POC1B: variants seen among roughly 807,000 people sequenced by gnomAD.
POC1B encodes POC1 centriolar protein B, also known as POC1 centriolar protein homolog B.
Under a neutral mutation model 60.6 loss-of-function variants are expected in POC1B, and 44 were observed. The observed-to-expected ratio is 0.73, with a 90% CI of 0.57 to 0.93. POC1B has a LOEUF of 0.93. Among genes scored for constraint, POC1B ranks in the 40% least tolerant of loss-of-function variants. The probability of loss-of-function intolerance (pLI) is 0.00; values close to 1 mark genes in which losing one functional copy is unlikely to be tolerated. For missense variants in POC1B, 555 were observed against 572.3 expected, an observed-to-expected ratio of 0.97 and a Z score of 0.31; for synonymous variants, 180 against 198.9, an observed-to-expected ratio of 0.90 and a Z score of 0.80.
chr12:89,459,695 G>A lies in POC1B; in HGVS notation c.1056C>T (p.Ile352=), dbSNP rs1004981600. ...CAGGGGGAGTAGAGATCTGCAAATC[G>A]ATTACCTCAAGCTTTGGATTAATCT... ...TVEINPKLEV[I]DLQISTPPVM... is the part of the protein sequence containing the mutation. Residue 352 remains isoleucine, a synonymous_variant, in exon 10 of 12, where the codon ATC becomes ATT. Transcript: ENST00000313546. 4 of 1,538,426 alleles carry A rather than the reference G, an allele frequency of 2.6e-6. No individual in the cohort carries two copies. Among genetic ancestry groups the A allele is most frequent in the Admixed American group, 3.9e-5 (2 of 51,438 alleles).
At chr12:89,446,094 T>A (rs1418362295) in intron 10 of POC1B, among the ~76,000 whole-genome samples, 4 of 152,114 alleles carry the variant, frequency 2.6e-5, no homozygotes, top group Non-Finnish European at 1.5e-5. Context: ...CATTAAAAAG[T>A]CAGGAAACAA....
At chr12:89,428,794 G>A (rs1313459161) in intron 10 of POC1B, 4 of 152,142 alleles carry the variant, frequency 2.6e-5, no homozygotes, top group Admixed American at 2.0e-4. Context: ...CTGACCTCGT[G>A]ATCTGCCCGC....
At chr12:89,434,974 AAG>A (rs1881192609) in intron 10 of POC1B, among the ~76,000 whole-genome samples, 1 of 152,222 alleles carries the variant, frequency 6.6e-6, no homozygotes, top group Non-Finnish European at 1.5e-5. Context: ...TTAGCAGACA[AAG>A]ATCTATCATC....
chr12:89,433,727 A>G (rs1247342091), intron 10 of POC1B, among the ~76,000 whole-genome samples: 1 of 152,222 alleles, frequency 6.6e-6, no homozygotes, highest in African/African-American at 2.4e-5. Context: ...TAAGTTTGCC[A>G]TCAGCACAAA....
chr12:89,496,069 A>G (rs529083959), intron 3 of POC1B, among the ~76,000 whole-genome samples: 6 of 152,034 alleles, frequency 3.9e-5, no homozygotes, highest in South Asian at 2.1e-4. Flanking sequence ...CCCTATTTCT[A>G]TTATTATTAC....
At chr12:89,476,759 TAGAC>T (rs1167476204) in intron 4 of POC1B, among the ~76,000 whole-genome samples, 8,501 of 58,054 alleles carry the variant, frequency 0.15, 357 homozygotes, top group South Asian at 0.28. Flanking sequence ...GATAGATAGA[TAGAC>T]AGACAGACAG....
At position 89,492,020 on chromosome 12, in the gene POC1B, T is replaced by C. The variant is rs767897459; in HGVS notation, c.368A>G (p.Asp123Gly). Residue 123 changes from aspartate to glycine, a missense_variant, in exon 4 of 12, where the codon GAC becomes GGC. Physicochemically the swap from Asp to Gly is moderately conservative, Grantham distance 94 (BLOSUM62 -1). Coordinates refer to ENST00000313546, the MANE Select transcript of POC1B (RefSeq NM_172240.3). ...DGQFLATASE[D>G]KSIKVWSMYR... Reference sequence around the variant, plus strand: ...CATGCTCCATACTTTTATGGATTTGTCTTCAGAAGCTGTAGCTAGAAACTG... The same window carrying C: ...CATGCTCCATACTTTTATGGATTTGCCTTCAGAAGCTGTAGCTAGAAACTG... 7.5e-6 allele frequency: 12 copies of C among 1,610,182 alleles called. No individual in the cohort carries two copies. Among genetic ancestry groups the C allele is most frequent in the East Asian group, 2.2e-5 (1 of 44,766 alleles).
downstream of POC1B, among the ~76,000 whole-genome samples, chr12:89,414,764 T>G (rs560748308): frequency 1.8e-4 from 27 of 152,308 alleles, no homozygotes; most frequent in African/African-American, 6.0e-4. Flanking sequence ...AATAACTGTT[T>G]TTTTTGTCTC....
intron 10 of POC1B, among the ~76,000 whole-genome samples, chr12:89,449,684 T>C (rs140766882): frequency 0.014 from 2,150 of 152,184 alleles, 23 homozygotes; most frequent in Non-Finnish European, 0.022. Context: ...TATGGATAAG[T>C]AATAGGCAAG....
At chr12:89,467,054 C>G (rs1297574504) in intron 8 of POC1B, 132 bp from the exon 9 acceptor site, 1 of 599,372 alleles carries the variant, frequency 1.7e-6, no homozygotes, top group Non-Finnish European at 2.6e-6. Context: ...AACTATGTTA[C>G]TATTTCTCAA....
chr12:89,489,397 A>G (rs1419128869), intron 4 of POC1B, among the ~76,000 whole-genome samples: 2 of 152,222 alleles, frequency 1.3e-5, no homozygotes, highest in Admixed American at 1.3e-4. Flanking sequence ...TCCAGGGTCC[A>G]TGTTTTTAGC....
downstream of POC1B, among the ~76,000 whole-genome samples, chr12:89,419,195 T>G (rs561922428): frequency 6.6e-6 from 1 of 152,046 alleles, no homozygotes; most frequent in South Asian, 2.1e-4. Flanking sequence ...AAATTGGTTT[T>G]GGACCTATCT....
intron 2 of POC1B, chr12:89,524,858 T>C: frequency 1.6e-6 from 1 of 622,554 alleles, no homozygotes; most frequent in East Asian, 2.8e-5. Flanking sequence ...CACTCACTCC[T>C]CCTGGTGGTT....
At chr12:89,419,446 T>C (rs1565888815), downstream of POC1B, among the ~76,000 whole-genome samples, 1 of 152,230 alleles carries the variant, frequency 6.6e-6, no homozygotes, top group African/African-American at 2.4e-5. Flanking sequence ...CTGTAAAAAC[T>C]ATGTGGCAAC....
In POC1B at chr12:89,466,879, C is replaced by A; in HGVS notation, c.923G>T (p.Gly308Val). 2 of 1,613,004 alleles carry A rather than the reference C, an allele frequency of 1.2e-6. No individual in the cohort carries two copies. Among genetic ancestry groups the A allele is most frequent in the South Asian group, 1.1e-5 (1 of 90,986 alleles). ...RTNFDELHCKGLTKRNLKRLH... is the reference protein window; with the variant it reads ...RTNFDELHCKVLTKRNLKRLH... Reference sequence around the variant, plus strand: ...TCTTTTGAGATTTCTTTTGGTAAGACCTTTACAATGCAATTCATCAAAGTT... The same window carrying A: ...TCTTTTGAGATTTCTTTTGGTAAGAACTTTACAATGCAATTCATCAAAGTT... The change falls in exon 9 of 12, where the codon GGT becomes GTT. Residue 308 changes from glycine (G) to valine (V), a missense_variant. Coordinates refer to ENST00000313546, the MANE Select transcript of POC1B (RefSeq NM_172240.3).
rs1882920998 is a variant in POC1B, at chr12:89,472,058, G to T, written c.560+110C>A. On this transcript the variant is annotated intron_variant, in intron 5 of 11. Transcript: ENST00000313546. The stretch of plus-strand genomic sequence containing the variant: ...GCTGGCATTACAGGCGTGAGCCACT[G>T]CACCCGGCCATATTTCAATTTCTTT... The T allele has an allele frequency of 8.8e-6, 7 of 797,180 alleles. 1 individual carries two copies. In the South Asian group the frequency reaches 1.3e-4, roughly 14 times the overall value. The allele number at this position is 797,180 out of a possible 1,614,324, so 49.4% of individuals were successfully genotyped here. A position where few individuals can be genotyped will look rare whatever the true frequency, so the allele number is the denominator to read the frequency against.
chr12:89,517,498 T>C (rs1306764453), intron 2 of POC1B, among the ~76,000 whole-genome samples: 1 of 152,092 alleles, frequency 6.6e-6, no homozygotes, highest in African/African-American at 2.4e-5. Flanking sequence ...CCAGGCATTA[T>C]GGCATGCACC....
chr12:89,483,477 G>T (rs1242380721), intron 4 of POC1B, among the ~76,000 whole-genome samples: 1 of 152,062 alleles, frequency 6.6e-6, no homozygotes. Flanking sequence ...ACACCTTCTT[G>T]CTGTGTCCTC....
At chr12:89,499,136 C>T (rs1592629550) in intron 2 of POC1B, among the ~76,000 whole-genome samples, 1 of 151,894 alleles carries the variant, frequency 6.6e-6, no homozygotes, top group Non-Finnish European at 1.5e-5. Context: ...GAGAAGAGAC[C>T]GGTGGGAGGG....
Sources: gnomAD v4.1 joint callset for allele counts (sites outside exome capture counted in the v4.1 genomes callset) on GRCh38, gnomAD v4.1.1 for gene constraint, MANE v1.5 for transcripts, NCBI Gene and HGNC (gene_info 2026-07-23, HGNC 2026-07-21) for gene names.